Variants in GGTA1 observed in about 807,000 individuals in gnomAD.
GGTA1 encodes inactive N-acetyllactosaminide alpha-1,3-galactosyltransferase.
Under a neutral mutation model 2.6 loss-of-function variants are expected in GGTA1, and 5 were observed. The observed-to-expected ratio is 1.92, with a 90% CI of 1.00 to 4.04. The LOEUF (loss-of-function observed/expected upper bound fraction) is 4.04. Ranked by LOEUF, GGTA1 falls within the 30% of genes most tolerant of loss-of-function variation. The pLI is 0.00. For missense variants in GGTA1, 50 were observed against 16.7 expected (o/e 2.99, Z -3.47); for synonymous variants, 17 against 5.0 (o/e 3.38, Z -3.19).
chr9:121,486,919 G>A (rs1407080775), intron 1 of GGTA1, among the ~76,000 whole-genome samples: 7 of 152,160 alleles, frequency 4.6e-5, no homozygotes, highest in South Asian at 2.1e-4. Flanking sequence ...GAGGTGAGCA[G>A]AACTCAGGTA....
chr9:121,448,409 A>C (rs1203576207), intron 7 of GGTA1, among the ~76,000 whole-genome samples: 1 of 152,152 alleles, frequency 6.6e-6, no homozygotes, highest in Admixed American at 6.5e-5. Context: ...TTCATGTTAC[A>C]TAGTCATCCT....
intron 1 of GGTA1, among the ~76,000 whole-genome samples, chr9:121,468,428 A>C (rs1302649094): frequency 6.6e-6 from 1 of 152,188 alleles, no homozygotes; most frequent in Non-Finnish European, 1.5e-5. Flanking sequence ...ATTGATGGGC[A>C]TTTGGGTTGA....
chr9:121,476,442 C>T lies in GGTA1; in HGVS notation c.-9-8511G>A, dbSNP rs560515051. 3.2e-4 allele frequency among the ~76,000 whole-genome samples: 48 copies of T among 152,248 alleles called. No individual in the cohort carries two copies. Among genetic ancestry groups the T allele is most frequent in the African/African-American group, 1.1e-3 (46 of 41,548 alleles). ...TTTCTCTGGCCTCAGACTCCTTGGC[C>T]CAGAAACAAGTCCTTTGGAGCTAAG... On this transcript the variant is annotated intron_variant, in intron 1 of 5. Transcript: ENST00000481799. This position sits in a 1 kb window ranked among gnomAD's most constrained non-coding sequence, Gnocchi z 4.6.
At chr9:121,498,742 G>A (rs1167847729) in intron 1 of GGTA1, among the ~76,000 whole-genome samples, 1 of 152,132 alleles carries the variant, frequency 6.6e-6, no homozygotes, top group Non-Finnish European at 1.5e-5. Context: ...CCTGCCTCGG[G>A]TCTCGGTTCC....
At chr9:121,494,003 C>T (rs760549771) in intron 1 of GGTA1, among the ~76,000 whole-genome samples, 1 of 152,058 alleles carries the variant, frequency 6.6e-6, no homozygotes, top group Non-Finnish European at 1.5e-5. Flanking sequence ...GTGATCTGCC[C>T]GCCTTGGCCT....
chr9:121,494,116 A>G lies in GGTA1; in HGVS notation c.-10+5534T>C, dbSNP rs7045146. On this transcript the variant is annotated intron_variant, in intron 1 of 5. Transcript: ENST00000481799. ...TCTCAGACCACTCACTCTCTGAGTT[A>G]GACCCATGCTTTTCCCTGCCATTCA... Among the ~76,000 whole-genome samples the G allele has an allele frequency of 8.5e-3, 1,296 of 152,214 alleles. 18 individuals are homozygous for G. Among genetic ancestry groups the G allele is most frequent in the African/African-American group, 0.03 (1,234 of 41,546 alleles).
chr9:121,453,306 T>C (rs575022058), downstream of GGTA1, among the ~76,000 whole-genome samples: 3 of 151,680 alleles, frequency 2.0e-5, no homozygotes, highest in East Asian at 3.9e-4. Context: ...ACAAAAGGGG[T>C]GAGAGGGAGG....
At chr9:121,478,706 T>C (rs554258590) in intron 1 of GGTA1, among the ~76,000 whole-genome samples, 3 of 152,198 alleles carry the variant, frequency 2.0e-5, no homozygotes, top group Non-Finnish European at 4.4e-5. Context: ...ACTGAATACA[T>C]GGCCCACTGT....
rs1163481591 is a variant in GGTA1 at position 121,476,635 on chromosome 9, A to T, written c.-9-8704T>A. 6.6e-6 allele frequency among the ~76,000 whole-genome samples: 1 copy of T among 152,140 alleles called. No individual in the cohort carries two copies. The highest frequency in any genetic ancestry group is 1.5e-5 in the Non-Finnish European group (1 of 68,020). ...CTTGGTGTGATGATCAAATGATAGG[A>T]TTCATCAACTATCACTTCTCAGCCT... On this transcript the variant is annotated intron_variant, in intron 1 of 5. Coordinates refer to ENST00000481799, the MANE Select transcript of GGTA1 (RefSeq NM_001382585.1). This position sits in a 1 kb window ranked among gnomAD's most constrained non-coding sequence, Gnocchi z 4.6.
In GGTA1 at chr9:121,483,254, A is replaced by G. The variant is rs79367587; in HGVS notation, c.-9-15323T>C. ...GAGTCTCAGTGACTCATTCGAGGTC[A>G]CCAGCTGGGACCTCTTTTCGTTGGA... On this transcript the variant is annotated intron_variant, in intron 1 of 5. Coordinates refer to ENST00000481799, the MANE Select transcript of GGTA1 (RefSeq NM_001382585.1). Among the ~76,000 whole-genome samples, 988 of 152,240 alleles carry G rather than the reference A, an allele frequency of 6.5e-3. 10 individuals are homozygous for G. The highest frequency in any genetic ancestry group is 0.038 in the South Asian group (181 of 4,818).
At chr9:121,474,571 C>A (rs1828464740) in intron 1 of GGTA1, among the ~76,000 whole-genome samples, 1 of 152,150 alleles carries the variant, frequency 6.6e-6, no homozygotes, top group Non-Finnish European at 1.5e-5. Flanking sequence ...CACCTCCAAT[C>A]CTTCTCACAC....
intron 1 of GGTA1, among the ~76,000 whole-genome samples, chr9:121,488,345 T>C (rs971764046): frequency 1.3e-5 from 2 of 152,150 alleles, no homozygotes; most frequent in African/African-American, 2.4e-5. Flanking sequence ...ATTGAGGGCC[T>C]ACTACATGCA....
chr9:121,457,834 G>A (rs934848390), intron 5 of GGTA1, among the ~76,000 whole-genome samples: 1 of 151,788 alleles, frequency 6.6e-6, no homozygotes, highest in Non-Finnish European at 1.5e-5. Context: ...AGGATGTGGT[G>A]TCATGGAAGC....
intron 1 of GGTA1, among the ~76,000 whole-genome samples, chr9:121,496,757 A>AAAAAAAAAAG (rs1554838784): frequency 2.7e-5 from 3 of 112,002 alleles, no homozygotes; most frequent in Middle Eastern, 5.9e-3. Flanking sequence ...AAAAAAAAAA[A>AAAAAAAAAAG]AGAGAGAGAG....
rs553361392 is a variant in GGTA1, at chr9:121,472,859, C to G, written c.-9-4928G>C. On this transcript the variant is annotated intron_variant, in intron 1 of 5. Coordinates refer to ENST00000481799, the MANE Select transcript of GGTA1 (RefSeq NM_001382585.1). ...ATTGGCGCTTACATCAGGGATAGCC[C>G]GAATCAGACATACCTCCAAATCCCC... 3.3e-5 allele frequency among the ~76,000 whole-genome samples: 5 copies of G among 152,258 alleles called. No individual in the cohort carries two copies. In the East Asian group the frequency reaches 7.7e-4, roughly 24 times the overall value.
chr9:121,493,509 C>A (rs1016423400), intron 1 of GGTA1, among the ~76,000 whole-genome samples: 1 of 152,160 alleles, frequency 6.6e-6, no homozygotes, highest in African/African-American at 2.4e-5. Flanking sequence ...GTGAGGCTCA[C>A]GTGAGATGAG....
chr9:121,488,799 C>T (rs1828814120), intron 1 of GGTA1, among the ~76,000 whole-genome samples: 1 of 152,146 alleles, frequency 6.6e-6, no homozygotes, highest in Non-Finnish European at 1.5e-5. Context: ...ATCTCAGCTA[C>T]TGGGGAGGCT....
chr9:121,445,844 T>C (rs1322279196), exon 8 of GGTA1: 1 of 152,210 alleles, frequency 6.6e-6, no homozygotes, highest in African/African-American at 2.4e-5. Context: ...TGGGGTATGA[T>C]GGGCTGAGGA....
chr9:121,463,665 A>C, intron 2 of GGTA1, among the ~76,000 whole-genome samples: 1 of 152,144 alleles, frequency 6.6e-6, no homozygotes, highest in East Asian at 1.9e-4. Context: ...CTGGGATTAC[A>C]GGTGTGAGTC....
Sources: allele counts gnomAD v4.1 joint callset (sites outside exome capture counted in the v4.1 genomes callset), GRCh38; gene constraint gnomAD v4.1.1; non-coding constraint Gnocchi (gnomAD v3.1); transcripts MANE v1.5; gene names NCBI Gene and HGNC (gene_info 2026-07-23, HGNC 2026-07-21).